Variants in GRM8 observed in about 807,000 individuals in gnomAD.
GRM8 encodes the protein glutamate metabotropic receptor 8, also known as metabotropic glutamate receptor 8.
GRM8 carries 47 observed loss-of-function variants against 87.2 expected under a neutral mutation model. The observed-to-expected ratio is 0.54, with a 90% CI of 0.43 to 0.69. The LOEUF is 0.69. GRM8 is among the 30% of genes least tolerant of loss of function. The probability of loss-of-function intolerance (pLI) is 0.00; values close to 1 mark genes in which losing one functional copy is unlikely to be tolerated. For synonymous variants in GRM8, 396 were observed against 404.5 expected (o/e 0.98, Z 0.25); for missense variants, 1,019 against 1,139.2 (o/e 0.89, Z 1.52).
intron 2 of GRM8, among the ~76,000 whole-genome samples, chr7:127,143,332 C>T (rs977199835): frequency 6.6e-6 from 1 of 152,054 alleles, no homozygotes; most frequent in African/African-American, 2.4e-5. Flanking sequence ...ATTGTGATAG[C>T]CTATTGTCTT....
At chr7:126,611,035 A>C (rs1270792229) in intron 7 of GRM8, among the ~76,000 whole-genome samples, 4 of 152,208 alleles carry the variant, frequency 2.6e-5, no homozygotes, top group Non-Finnish European at 4.4e-5. Flanking sequence ...AATATGAATA[A>C]ATTTTGAAGT....
intron 6 of GRM8, among the ~76,000 whole-genome samples, chr7:126,802,740 G>T (rs1234490556): frequency 1.3e-5 from 2 of 152,042 alleles, no homozygotes; most frequent in South Asian, 2.1e-4. Context: ...CAGCATAAAT[G>T]GCAGAATCAC....
At chr7:126,522,999 T>G (rs1432288036) in intron 9 of GRM8, among the ~76,000 whole-genome samples, 3 of 152,232 alleles carry the variant, frequency 2.0e-5, no homozygotes. Context: ...TTTGATGAAA[T>G]GCCATCATCA....
Position 127,243,190 on chromosome 7 carries a change from T to C in GRM8, c.15A>G (p.Gly5=). The C allele has an allele frequency of 1.1e-5, 17 of 1,607,366 alleles. No individual in the cohort carries two copies. The highest frequency in any genetic ancestry group is 1.4e-5 in the Non-Finnish European group (17 of 1,179,534). Residue 5 remains glycine, a synonymous_variant, in exon 2 of 11, where the codon GGA becomes GGG. Coordinates refer to ENST00000339582, the MANE Select transcript of GRM8 (RefSeq NM_000845.3). MVCE[G]KRSASCPCFF... is the part of the protein sequence containing the mutation. ...AACAAGGGCAAGAGGCTGATCGCTT[T>C]CCCTCGCATACCATTTTCTCCACAG...
chr7:127,005,052 G>C (rs1288874670), intron 3 of GRM8, among the ~76,000 whole-genome samples: 1 of 150,386 alleles, frequency 6.6e-6, no homozygotes, highest in African/African-American at 2.4e-5. Context: ...GCTGATCACA[G>C]ATTACGTATG....
chr7:126,755,719 T>C (rs1051173497), intron 7 of GRM8, among the ~76,000 whole-genome samples: 1 of 149,040 alleles, frequency 6.7e-6, no homozygotes, highest in African/African-American at 2.4e-5. Flanking sequence ...GGAACTACCC[T>C]AGAGAATTAG....
chr7:126,842,856 G>A (rs1428266054), intron 6 of GRM8, among the ~76,000 whole-genome samples: 1 of 152,176 alleles, frequency 6.6e-6, no homozygotes, highest in Non-Finnish European at 1.5e-5. Flanking sequence ...TTCATCCAGA[G>A]AGACCCATTT....
intron 2 of GRM8, among the ~76,000 whole-genome samples, chr7:127,107,974 G>A (rs1331890554): frequency 6.6e-6 from 1 of 152,164 alleles, no homozygotes; most frequent in Non-Finnish European, 1.5e-5. Flanking sequence ...GGATCCACCT[G>A]CATTGGCCGT....
chr7:126,844,535 TAACAAAG>T, intron 6 of GRM8, among the ~76,000 whole-genome samples: 1 of 152,188 alleles, frequency 6.6e-6, no homozygotes, highest in Non-Finnish European at 1.5e-5. Flanking sequence ...ATTTCTATTG[TAACAAAG>T]AGACAAAGGG....
chr7:126,474,255 T>A (rs1441787531), intron 9 of GRM8, among the ~76,000 whole-genome samples: 2 of 148,392 alleles, frequency 1.3e-5, no homozygotes, highest in Admixed American at 1.4e-4. Context: ...TGTGCATGTG[T>A]GTGTGTGTGT....
At chr7:126,440,410 CAAAAA>C (rs35828454) in intron 10 of GRM8, among the ~76,000 whole-genome samples, 2 of 75,446 alleles carry the variant, frequency 2.7e-5, no homozygotes, top group Admixed American at 1.7e-4. Flanking sequence ...GACTCCATCT[CAAAAA>C]AAAAAAAAAA....
chr7:126,768,937 A>AAAAAC (rs1563168898), intron 7 of GRM8, among the ~76,000 whole-genome samples: 1 of 150,010 alleles, frequency 6.7e-6, no homozygotes, highest in African/African-American at 2.4e-5. Flanking sequence ...CAAAAAAAAA[A>AAAAAC]AAAATAAAGA....
chr7:126,984,714 C>T (rs140100633), intron 3 of GRM8, among the ~76,000 whole-genome samples: 99 of 152,218 alleles, frequency 6.5e-4, no homozygotes, highest in African/African-American at 2.2e-3. Context: ...AGAACCCTGC[C>T]TAATATAGAT....
intron 9 of GRM8, among the ~76,000 whole-genome samples, chr7:126,528,998 T>C (rs893316250): frequency 6.6e-6 from 1 of 152,198 alleles, no homozygotes; most frequent in Non-Finnish European, 1.5e-5. Flanking sequence ...ATGGCAAAAG[T>C]ATCTCAATAG....
At chr7:127,113,038 G>C (rs1192344354) in intron 2 of GRM8, among the ~76,000 whole-genome samples, 2 of 152,076 alleles carry the variant, frequency 1.3e-5, no homozygotes, top group African/African-American at 4.8e-5. Flanking sequence ...TGCCTTCACT[G>C]AGCCTTCCTG....
chr7:127,022,737 T>A (rs1277694317), intron 3 of GRM8, among the ~76,000 whole-genome samples: 1 of 152,118 alleles, frequency 6.6e-6, no homozygotes, highest in East Asian at 1.9e-4. Flanking sequence ...ATACTTGTAA[T>A]GCAAGAGTAT....
chr7:126,682,472 GC>G (rs1280713032), intron 7 of GRM8, among the ~76,000 whole-genome samples: 1 of 152,182 alleles, frequency 6.6e-6, no homozygotes, highest in Non-Finnish European at 1.5e-5. Context: ...AAGTTCCTTG[GC>G]AAAGGTTACA....
rs1213258302 is a variant in GRM8, at chr7:126,966,398, G to C, written c.728-61715C>G. Among the ~76,000 whole-genome samples the C allele has an allele frequency of 7.9e-5, 12 of 152,092 alleles. 1 individual carries two copies. The highest frequency in any genetic ancestry group is 6.6e-4 in the Admixed American group (10 of 15,256). On this transcript the variant is annotated intron_variant, in intron 3 of 10. Transcript: ENST00000339582. ...GATCCGCCTGCCTCAGCCTCCCAAA[G>C]TGCTGGGATTACAGTCATGAGCCAC...
intron 9 of GRM8, among the ~76,000 whole-genome samples, chr7:126,456,584 A>G (rs2150504321): frequency 6.7e-6 from 1 of 149,338 alleles, no homozygotes; most frequent in African/African-American, 2.5e-5. Flanking sequence ...TTCAGTTAGA[A>G]TTCAGGTCCA....
Sources: gnomAD v4.1 joint callset for allele counts (sites outside exome capture counted in the v4.1 genomes callset) on GRCh38, gnomAD v4.1.1 for gene constraint, MANE v1.5 for transcripts, NCBI Gene and HGNC (gene_info 2026-07-23, HGNC 2026-07-21) for gene names.